Variants in INPPL1 observed in about 807,000 individuals in gnomAD.
INPPL1 encodes the protein inositol polyphosphate phosphatase like 1.
In INPPL1, 91 loss-of-function variants were observed where a neutral mutation model predicts 139.3. The ratio of observed to expected loss-of-function variants is 0.65; its 90% CI spans 0.55 to 0.78. The LOEUF is 0.78. Ranked by LOEUF, INPPL1 falls within the 30% of genes least tolerant of loss-of-function variation. The probability of loss-of-function intolerance (pLI) is 0.00; values close to 1 mark genes in which losing one functional copy is unlikely to be tolerated. For synonymous variants in INPPL1, 719 were observed against 686.6 expected (o/e 1.05, Z -0.74); for missense variants, 1,411 against 1,665.6 (o/e 0.85, Z 2.66).
chr11:72,228,038 A>G lies in INPPL1; in HGVS notation c.183-152A>G. Reference sequence around the variant, plus strand: ...CCAGGAGGGTGGAAGTGGACCGGCCACATCATTAACCCTGTGCAGCCTGGG... The same window carrying G: ...CCAGGAGGGTGGAAGTGGACCGGCCGCATCATTAACCCTGTGCAGCCTGGG... On this transcript the variant is annotated intron_variant, in intron 1 of 27. Coordinates refer to ENST00000298229, the MANE Select transcript of INPPL1 (RefSeq NM_001567.4). The surrounding 1 kb of genome is among the most constrained non-coding windows in gnomAD (Gnocchi z 5.0). 1 of 720,688 alleles carries G rather than the reference A, an allele frequency of 1.4e-6. No homozygotes were observed. 44.6% of individuals were successfully genotyped at this position (720,688 alleles called of 1,614,324 possible). A position where few individuals can be genotyped will look rare whatever the true frequency, so the allele number is the denominator to read the frequency against.
chr11:72,234,483 C>CT lies in INPPL1; in HGVS notation c.2327-43dup. ...GCCCCCTACTTAGGGGGAAAGGAAG[C>CT]TGAGAGGTGGTGCTCAGTTGGGTGT... On this transcript the variant is annotated intron_variant, in intron 20 of 27. Coordinates refer to ENST00000298229, the MANE Select transcript of INPPL1 (RefSeq NM_001567.4). The surrounding 1 kb of genome is among the most constrained non-coding windows in gnomAD (Gnocchi z 4.2). 1 of 1,592,550 alleles carries CT rather than the reference C, an allele frequency of 6.3e-7. No individual in the cohort carries two copies. Among genetic ancestry groups the CT allele is most frequent in the Middle Eastern group, 1.7e-4 (1 of 6,022 alleles).
In INPPL1 at chr11:72,230,883, G is replaced by C; in HGVS notation, c.1285G>C (p.Gly429Arg). The stretch of plus-strand genomic sequence containing the variant: ...GCCCGACATGATCTCAGTCTTCATA[G>C]GCACCTGGAACATGGGTCAGGCCCG... ...DEPDMISVFI[G>R]TWNMGSVPPP... Residue 429 changes from glycine (G) to arginine (R), a missense_variant, in exon 11 of 28, where the codon GGC (glycine) becomes CGC (arginine). Physicochemically the swap from Gly to Arg is moderately radical, Grantham distance 125. Around this residue, in one of 5 missense-constraint regions of INPPL1, gnomAD observed 504 missense variants for 595.6 expected, o/e 0.85. Transcript: ENST00000298229. 1 of 1,614,072 alleles carries C rather than the reference G, an allele frequency of 6.2e-7. No individual in the cohort carries two copies. The highest frequency in any genetic ancestry group is 8.5e-7 in the Non-Finnish European group (1 of 1,179,994).
chr11:72,236,319 G>A (rs1948989534), intron 25 of INPPL1, among the ~76,000 whole-genome samples: 1 of 152,214 alleles, frequency 6.6e-6, no homozygotes, highest in Non-Finnish European at 1.5e-5. Flanking sequence ...GATTTCCCAG[G>A]GTACCTTCTT....
At position 72,233,166 on chromosome 11, in the gene INPPL1, G is replaced by A; in HGVS notation, c.2040+3G>A. 6.2e-7 allele frequency: 1 copy of A among 1,613,252 alleles called. No individual in the cohort carries two copies. Among genetic ancestry groups the A allele is most frequent in the East Asian group, 2.2e-5 (1 of 44,858 alleles). The stretch of plus-strand genomic sequence containing the variant: ...GGCACAAGCAGAAGCCAACTGGGGT[G>A]AGCCAAGAAAACGGCATGGGCCTTG... On this transcript the variant is annotated splice_donor_region_variant and intron_variant, in intron 17 of 27. Transcript: ENST00000298229.
At chr11:72,232,490 C>T in intron 14 of INPPL1, 136 bp from the exon 15 acceptor site, 1 of 1,275,824 alleles carries the variant, frequency 7.8e-7, no homozygotes, top group Non-Finnish European at 1.1e-6. Context: ...CTGTTCCTGA[C>T]CCTAACCTTG....
In INPPL1 at chr11:72,233,848, G is replaced by A. The variant is rs936849309; in HGVS notation, c.2212+104G>A. ...TGACTATGTAAGTGTGTGTGTGGGTGTGTGTACCAGTGAGTGCAGGAGTGT... is the reference window on the plus strand; with the variant it reads ...TGACTATGTAAGTGTGTGTGTGGGTATGTGTACCAGTGAGTGCAGGAGTGT... On this transcript the variant is annotated intron_variant, in intron 19 of 27. Transcript: ENST00000298229. 1.5e-5 allele frequency: 13 copies of A among 871,010 alleles called. No individual in the cohort carries two copies. The African/African-American group carries it at 2.0e-4, about 13-fold the overall frequency. 54.0% of individuals were successfully genotyped at this position (871,010 alleles called of 1,614,324 possible). A position where few individuals can be genotyped will look rare whatever the true frequency, so the allele number is the denominator to read the frequency against.
Position 72,234,628 on chromosome 11 carries a change from G to A in INPPL1, c.2415+13G>A. 1 of 1,603,010 alleles carries A rather than the reference G, an allele frequency of 6.2e-7. No individual in the cohort carries two copies. The highest frequency in any genetic ancestry group is 8.5e-7 in the Non-Finnish European group (1 of 1,170,164). On this transcript the variant is annotated intron_variant, in intron 21 of 27. Coordinates refer to ENST00000298229, the MANE Select transcript of INPPL1 (RefSeq NM_001567.4). The surrounding 1 kb of genome is among the most constrained non-coding windows in gnomAD (Gnocchi z 4.2). ...CCAGCTGCCCACGGTGAGGCTGTGG[G>A]CAGGGCCCCTGCTTATGGGTGAGGG...
rs1948792110 is a variant in INPPL1, at chr11:72,230,198, G to A, written c.1017G>A (p.Glu339=). Residue 339 remains glutamate (E), a synonymous_variant, in exon 9 of 28, where the codon GAG becomes GAA. Transcript: ENST00000298229. ...SQKFTLSVDV[E]GGRLVLLRRQ... ...AGTTCACGCTGAGCGTGGATGTGGA[G>A]GGTGGGCGGCTGGTGCTGCTGCGGA... is the stretch of plus-strand genomic sequence containing the variant. 2 of 1,612,600 alleles carry A rather than the reference G, an allele frequency of 1.2e-6. No homozygotes were observed. The highest frequency in any genetic ancestry group is 3.3e-5 in the Admixed American group (2 of 59,890).
Position 72,234,561 on chromosome 11 carries a change from C to T in INPPL1, c.2361C>T (p.Ser787=). The T allele has an allele frequency of 1.2e-6, 2 of 1,613,730 alleles. No individual in the cohort carries two copies. Among genetic ancestry groups the T allele is most frequent in the Non-Finnish European group, 1.7e-6 (2 of 1,179,826 alleles). ...YKKSFENDAQ[S]SDNINFLKVQ... ...AGAGCTTTGAGAATGATGCCCAGAG[C>T]AGTGACAACATCAACTTCCTCAAAG... Residue 787 remains serine, a synonymous_variant, in exon 21 of 28, where the codon AGC becomes AGT. Transcript: ENST00000298229. This position sits in a 1 kb window ranked among gnomAD's most constrained non-coding sequence, Gnocchi z 4.2.
intron 1 of INPPL1, chr11:72,227,972 G>T: frequency 7.9e-6 from 3 of 378,734 alleles, no homozygotes; most frequent in Non-Finnish European, 9.5e-6. Context: ...GTCTGGTGGG[G>T]AGACGGGGGT....
At chr11:72,233,230 A>G (rs1234698647) in intron 17 of INPPL1, 67 bp downstream of exon 17, 4 of 1,423,728 alleles carry the variant, frequency 2.8e-6, no homozygotes, top group Admixed American at 1.8e-5. Context: ...AATTTGGGTC[A>G]AGGGTATGGG....
chr11:72,237,907 A>G, intron 26 of INPPL1, 111 bp downstream of exon 26: 1 of 1,443,946 alleles, frequency 6.9e-7, no homozygotes. Context: ...CCCTGAACTG[A>G]TCACTGGGAA....
In INPPL1 at chr11:72,238,310, C is replaced by T; in HGVS notation, c.3734C>T (p.Ala1245Val). 1 of 1,594,854 alleles carries T rather than the reference C, an allele frequency of 6.3e-7. No individual in the cohort carries two copies. The change falls in exon 28 of 28, where the codon GCT becomes GTT. Residue 1245 changes from alanine to valine, a missense_variant. Transcript: ENST00000298229. ...DLEEAGVQDPAHKRLLLDTLQ... is the reference protein window; with the variant it reads ...DLEEAGVQDPVHKRLLLDTLQ... ...GAGGAGGCTGGGGTGCAGGACCCGG[C>T]TCACAAGCGCCTCCTTCTGGACACC...
Position 72,233,428 on chromosome 11 carries a change from T to C in INPPL1, c.2041-13T>C. 1 of 1,613,074 alleles carries C rather than the reference T, an allele frequency of 6.2e-7. No individual in the cohort carries two copies. Among genetic ancestry groups the C allele is most frequent in the Non-Finnish European group, 8.5e-7 (1 of 1,179,210 alleles). On this transcript the variant is annotated splice_polypyrimidine_tract_variant and intron_variant, in intron 17 of 27. Transcript: ENST00000298229. Reference sequence around the variant, plus strand: ...GCTGTCAGCTCTAACCATGCTGCCATCCCCTGCCCCAGGTCCGGACCAATG... The same window carrying C: ...GCTGTCAGCTCTAACCATGCTGCCACCCCCTGCCCCAGGTCCGGACCAATG...
At chr11:72,225,217 C>T (rs1028033440) in intron 1 of INPPL1, 51 bp downstream of exon 1, 21 of 1,226,474 alleles carry the variant, frequency 1.7e-5, no homozygotes, top group Non-Finnish European at 2.1e-5. Flanking sequence ...GGAGCGCGGG[C>T]ACGGCCGGGT....
In INPPL1 at chr11:72,228,775, G is replaced by T. The variant is rs1213970792; in HGVS notation, c.446G>T (p.Ser149Ile). Residue 149 changes from serine to isoleucine, a missense_variant, in exon 4 of 28, where the codon AGC becomes ATC. This residue lies in a region of INPPL1 where 504 missense variants were observed against 595.6 expected (regional missense o/e 0.85). Transcript: ENST00000298229. The surrounding 1 kb of genome is among the most constrained non-coding windows in gnomAD (Gnocchi z 5.0). ...CTGCCCCCGCGCTCTGGCTCCACCA[G>T]CATTTCTGCCCCCACTGGGCCCAGC... ...PPLPPRSGST[S>I]ISAPTGPSSP... 1 of 1,612,378 alleles carries T rather than the reference G, an allele frequency of 6.2e-7. No homozygotes were observed. Among genetic ancestry groups the T allele is most frequent in the Non-Finnish European group, 8.5e-7 (1 of 1,179,238 alleles).
rs1417233156 is a variant in INPPL1 at position 72,238,669 on chromosome 11, AT to A, written c.*319del. On this transcript the variant is annotated 3_prime_UTR_variant, in exon 28 of 28. Coordinates refer to ENST00000298229, the MANE Select transcript of INPPL1 (RefSeq NM_001567.4). ...GCCCCAGGGGTGCCTGTGGGGGTCC[AT>A]TTGGGTACGTCTGGGCCCCCACTTT... is the stretch of plus-strand genomic sequence containing the variant. The A allele has an allele frequency of 9.2e-6, 2 of 217,752 alleles. No homozygotes were observed. The highest frequency in any genetic ancestry group is 1.8e-5 in the Non-Finnish European group (2 of 110,826). 13.5% of individuals were successfully genotyped at this position (217,752 alleles called of 1,614,324 possible). A position where few individuals can be genotyped will look rare whatever the true frequency, so the allele number is the denominator to read the frequency against.
chr11:72,232,434 C>G, intron 14 of INPPL1, 98 bp downstream of exon 14: 1 of 1,267,530 alleles, frequency 7.9e-7, no homozygotes, highest in Non-Finnish European at 1.1e-6. Context: ...TCCCGCAGGC[C>G]TGTCTCCAGA....
At chr11:72,230,570 C>A in intron 10 of INPPL1, 102 bp downstream of exon 10, 2 of 1,172,044 alleles carry the variant, frequency 1.7e-6, no homozygotes, top group Non-Finnish European at 2.5e-6. Flanking sequence ...GTAGGCATGC[C>A]ATCCCTCCTG....
Sources: allele counts gnomAD v4.1 joint callset (sites outside exome capture counted in the v4.1 genomes callset), GRCh38; gene constraint gnomAD v4.1.1; regional missense constraint gnomAD v4.1.1; non-coding constraint Gnocchi (gnomAD v3.1); transcripts MANE v1.5; gene names NCBI Gene and HGNC (gene_info 2026-07-23, HGNC 2026-07-21).